Variants in VTI1B observed in about 807,000 individuals in gnomAD.
VTI1B encodes the protein vesicle transport through interaction with t-SNAREs homolog 1B.
Under a neutral mutation model 28.6 loss-of-function variants are expected in VTI1B, and 18 were observed. The ratio of observed to expected loss-of-function variants is 0.63; its 90% confidence interval spans 0.43 to 0.93. The LOEUF (loss-of-function observed/expected upper bound fraction) is 0.93, where lower values mean the gene tolerates loss of function less well. Among genes scored for constraint, VTI1B ranks in the 40% least tolerant of loss-of-function variants. VTI1B has a pLI of 0.00. For synonymous variants in VTI1B, 100 were observed against 107.9 expected, an observed-to-expected ratio of 0.93 and a Z score of 0.46; for missense variants, 283 against 297.0, an observed-to-expected ratio of 0.95 and a Z score of 0.35.
At position 67,650,760 on chromosome 14, in the gene VTI1B, CCACCT is replaced by C. The variant is rs1248349851; in HGVS notation, c.*620_*624del. The C allele has an allele frequency of 6.2e-7, 1 of 1,614,112 alleles. No individual in the cohort carries two copies. Among genetic ancestry groups the C allele is most frequent in the South Asian group, 1.1e-5 (1 of 91,088 alleles). On this transcript the variant is annotated 3_prime_UTR_variant, in exon 6 of 6. Coordinates refer to ENST00000554659, the MANE Select transcript of VTI1B (RefSeq NM_006370.3). ...CTTGTTGAAGTCAATCCTCAGTTGG[CCACCT>C]CAGAGGAAGAGGCGAAGACTACAGC...
chr14:67,669,128 G>A (rs1166274671), intron 1 of VTI1B, among the ~76,000 whole-genome samples: 1 of 152,090 alleles, frequency 6.6e-6, no homozygotes, highest in Non-Finnish European at 1.5e-5. Context: ...CCATTTGGCA[G>A]GAAAAACTAA....
chr14:67,650,918 T>C lies in VTI1B; in HGVS notation c.*467A>G, dbSNP rs1158403232. The C allele has an allele frequency of 6.2e-7, 1 of 1,613,670 alleles. No individual in the cohort carries two copies. The highest frequency in any genetic ancestry group is 8.5e-7 in the Non-Finnish European group (1 of 1,179,884). On this transcript the variant is annotated 3_prime_UTR_variant, in exon 6 of 6. Coordinates refer to ENST00000554659, the MANE Select transcript of VTI1B (RefSeq NM_006370.3). ...AGAAAATCAAGCACGTGTGAGAATT[T>C]AGGAGACACTGTGCACTGACATGTT...
rs765574944 is a variant in VTI1B, at chr14:67,656,066, C to T, written c.540+350G>A. Among the ~76,000 whole-genome samples, 46 of 151,848 alleles carry T rather than the reference C, an allele frequency of 3.0e-4. 1 individual carries two copies. The highest frequency in any genetic ancestry group is 4.2e-4 in the South Asian group (2 of 4,818). On this transcript the variant is annotated intron_variant, in intron 4 of 5. Coordinates refer to ENST00000554659, the MANE Select transcript of VTI1B (RefSeq NM_006370.3). ...TTCGAGACCAGCCTGGCCAACATGG[C>T]GAAACCCCATCTCTACTAAAAATAC...
Position 67,647,983 on chromosome 14 carries a change from T to C in VTI1B, c.*3402A>G, listed in dbSNP as rs2037122350. Reference sequence around the variant, plus strand: ...CAAGGAGTTGCAACCATAAGAAGGATGAGTGTCCAAGGACAACCAGTTAAG... The same window carrying C: ...CAAGGAGTTGCAACCATAAGAAGGACGAGTGTCCAAGGACAACCAGTTAAG... On this transcript the variant is annotated 3_prime_UTR_variant, in exon 6 of 6. Coordinates refer to ENST00000554659, the MANE Select transcript of VTI1B (RefSeq NM_006370.3). 2.7e-6 allele frequency: 4 copies of C among 1,460,382 alleles called. No individual in the cohort carries two copies. Among genetic ancestry groups the C allele is most frequent in the Middle Eastern group, 1.7e-4 (1 of 5,740 alleles). The allele number at this position is 1,460,382 out of a possible 1,614,324, so 90.5% of individuals were successfully genotyped here.
chr14:67,671,770 A>G (rs2037467810), intron 1 of VTI1B, among the ~76,000 whole-genome samples: 1 of 152,128 alleles, frequency 6.6e-6, no homozygotes, highest in East Asian at 1.9e-4. Flanking sequence ...CCTTCTTGCT[A>G]CCCATGGGTC....
rs765718942 is a variant in VTI1B, at chr14:67,674,425, T to C, written c.65A>G (p.His22Arg). The C allele has an allele frequency of 8.1e-6, 13 of 1,608,620 alleles. No homozygotes were observed. The Admixed American group carries it at 1.0e-4, about 12-fold the overall frequency. Residue 22 changes from histidine to arginine, a missense_variant, in exon 1 of 6, where the codon CAT becomes CGT. His to Arg is a conservative substitution (Grantham distance 29). Transcript: ENST00000554659. ...EKLHEIFRGL[H>R]EDLQGVPERL... Reference sequence around the variant, plus strand: ...CTCGGGCACCCCTTGTAGGTCTTCATGGAGGCCGCGGAAGATCTCGTGCAG... The same window carrying C: ...CTCGGGCACCCCTTGTAGGTCTTCACGGAGGCCGCGGAAGATCTCGTGCAG...
rs895846501 is a variant in VTI1B at position 67,647,946 on chromosome 14, T to C, written c.*3439A>G. 44 of 1,174,536 alleles carry C rather than the reference T, an allele frequency of 3.7e-5. No homozygotes were observed. Among genetic ancestry groups the C allele is most frequent in the South Asian group, 2.2e-4 (15 of 67,184 alleles). 72.8% of individuals were successfully genotyped at this position (1,174,536 alleles called of 1,614,324 possible). On this transcript the variant is annotated 3_prime_UTR_variant, in exon 6 of 6. Transcript: ENST00000554659. ...TTTATTAACAAAGTACTAGGACTAA[T>C]AGCAACAAAATCAAGGAGTTGCAAC...
At chr14:67,659,371 G>C (rs975916230) in intron 3 of VTI1B, among the ~76,000 whole-genome samples, 30 of 151,884 alleles carry the variant, frequency 2.0e-4, no homozygotes, top group African/African-American at 7.2e-4. Flanking sequence ...ATTTATATGA[G>C]AGAATAAAAA....
intron 3 of VTI1B, among the ~76,000 whole-genome samples, chr14:67,658,017 G>A (rs2037286138): frequency 6.6e-6 from 1 of 152,116 alleles, no homozygotes; most frequent in Non-Finnish European, 1.5e-5. Context: ...CCAAGGTGCT[G>A]GGATTACAGG....
intron 1 of VTI1B, among the ~76,000 whole-genome samples, chr14:67,664,139 T>A (rs545159737): frequency 9.8e-5 from 15 of 152,318 alleles, no homozygotes; most frequent in African/African-American, 3.6e-4. Context: ...GCTGGCAAAA[T>A]ACATGTAATA....
chr14:67,650,620 T>C lies in VTI1B; in HGVS notation c.*765A>G, dbSNP rs2037160848. The stretch of plus-strand genomic sequence containing the variant: ...TTCTACTATAAAATGGACTCTTGTT[T>C]TTACTTTGGCTTGTTCTCCCTGTCC... On this transcript the variant is annotated 3_prime_UTR_variant, in exon 6 of 6. Coordinates refer to ENST00000554659, the MANE Select transcript of VTI1B (RefSeq NM_006370.3). 1.7e-6 allele frequency: 2 copies of C among 1,166,024 alleles called. No individual in the cohort carries two copies. The highest frequency in any genetic ancestry group is 1.8e-5 in the Admixed American group (1 of 55,028). The allele number at this position is 1,166,024 out of a possible 1,614,324, so 72.2% of individuals were successfully genotyped here.
chr14:67,665,260 T>TA (rs369099230), intron 1 of VTI1B, among the ~76,000 whole-genome samples: 1 of 13,390 alleles, frequency 7.5e-5, no homozygotes, highest in Non-Finnish European at 3.2e-4. Flanking sequence ...CAGTTATATC[T>TA]TTTTTTTTTT....
At chr14:67,664,045 C>T (rs577812303) in intron 1 of VTI1B, among the ~76,000 whole-genome samples, 2 of 152,332 alleles carry the variant, frequency 1.3e-5, no homozygotes, top group African/African-American at 4.8e-5. Flanking sequence ...GAAATCTACA[C>T]ATAATCTACT....
At chr14:67,657,773 C>CAG (rs56124759) in intron 3 of VTI1B, among the ~76,000 whole-genome samples, 140,518 of 144,778 alleles carry the variant, frequency 0.97, 68,321 homozygotes, top group East Asian at 1. Flanking sequence ...TTTTTTGAGA[C>CAG]AGTCTCGCTC....
chr14:67,655,506 T>G (rs184463523), intron 4 of VTI1B, among the ~76,000 whole-genome samples: 1 of 152,216 alleles, frequency 6.6e-6, no homozygotes, highest in East Asian at 1.9e-4. Flanking sequence ...GGATAATCCT[T>G]AGACATTTTT....
intron 1 of VTI1B, among the ~76,000 whole-genome samples, chr14:67,669,548 C>A (rs368381181): frequency 6.7e-6 from 1 of 148,392 alleles, no homozygotes; most frequent in Non-Finnish European, 1.5e-5. Flanking sequence ...ATTACAGGCA[C>A]GAGCCACCAC....
intron 1 of VTI1B, among the ~76,000 whole-genome samples, chr14:67,672,132 T>A (rs1198870352): frequency 6.6e-6 from 1 of 152,012 alleles, no homozygotes; most frequent in Non-Finnish European, 1.5e-5. Flanking sequence ...CATTTTTTTT[T>A]TTTTTTGGGA....
At chr14:67,656,643 C>A in intron 3 of VTI1B, 54 bp from the exon 4 acceptor site, 1 of 1,528,520 alleles carries the variant, frequency 6.5e-7, no homozygotes, top group South Asian at 1.3e-5. Context: ...AAATTCATTG[C>A]CAGCATATTC....
intron 5 of VTI1B, among the ~76,000 whole-genome samples, chr14:67,652,947 G>A (rs890117626): frequency 6.6e-6 from 1 of 152,014 alleles, no homozygotes. Flanking sequence ...CCGCCACTAC[G>A]CCTGGCTAAT....
Sources: gnomAD v4.1 joint callset for allele counts (sites outside exome capture counted in the v4.1 genomes callset) on GRCh38, gnomAD v4.1.1 for gene constraint, MANE v1.5 for transcripts, NCBI Gene and HGNC (gene_info 2026-07-23, HGNC 2026-07-21) for gene names.